The following KCNMA1 variants were observed in gnomAD, a reference collection of about 807,000 sequenced individuals.
KCNMA1 encodes the protein Calcium-activated potassium channel subunit alpha-1.
KCNMA1 carries 29 observed loss-of-function variants against 140.0 expected under a neutral mutation model. The ratio of observed to expected loss-of-function variants is 0.21; its 90% CI spans 0.15 to 0.28. The LOEUF (loss-of-function observed/expected upper bound fraction) is 0.28, where lower values mean the gene tolerates loss of function less well. Ranked by LOEUF, KCNMA1 falls within the 10% of genes least tolerant of loss-of-function variation. The pLI is 1.00. For synonymous variants in KCNMA1, 612 were observed against 611.9 expected (o/e 1.00, Z 0.00); for missense variants, 880 against 1,602.2 (o/e 0.55, Z 7.70).
chr10:77,404,192 G>A (rs1433287406), intron 1 of KCNMA1, among the ~76,000 whole-genome samples, 169 bp from the exon 2 acceptor site: 1 of 152,132 alleles, frequency 6.6e-6, no homozygotes, highest in Non-Finnish European at 1.5e-5. Context: ...TTTTTTTAAA[G>A]CCTTTATTTA....
At chr10:77,001,332 A>G in intron 19 of KCNMA1, 75 bp downstream of exon 19, 1 of 1,376,728 alleles carries the variant, frequency 7.3e-7, no homozygotes. Context: ...TCAGAACCAC[A>G]GGGCACAGCA....
chr10:77,192,064 T>C (rs766588713), intron 3 of KCNMA1, among the ~76,000 whole-genome samples: 5 of 152,132 alleles, frequency 3.3e-5, no homozygotes, highest in African/African-American at 4.8e-5. Flanking sequence ...TTCTTGAGCT[T>C]TGAGTAATAT....
intron 2 of KCNMA1, among the ~76,000 whole-genome samples, chr10:77,336,100 C>A (rs1050650459): frequency 7.2e-5 from 11 of 152,072 alleles, no homozygotes; most frequent in African/African-American, 2.2e-4. Flanking sequence ...AAGGGAGAAA[C>A]CTCCTTCATA....
chr10:76,981,373 G>A (rs1373178730), intron 19 of KCNMA1, among the ~76,000 whole-genome samples: 3 of 152,238 alleles, frequency 2.0e-5, no homozygotes, highest in Non-Finnish European at 2.9e-5. Context: ...ACGTTTAAAC[G>A]GACCTCAATT....
intron 1 of KCNMA1, among the ~76,000 whole-genome samples, chr10:77,495,757 C>T (rs932975721): frequency 2.0e-5 from 3 of 152,130 alleles, no homozygotes; most frequent in Non-Finnish European, 4.4e-5. Context: ...TGGTCCCAGC[C>T]CAAGGGGTGG....
chr10:77,402,281 A>G (rs2096293677), intron 2 of KCNMA1, among the ~76,000 whole-genome samples: 1 of 152,176 alleles, frequency 6.6e-6, no homozygotes. Context: ...GTGCTGTTAC[A>G]CAGCTCAGCC....
chr10:77,459,246 T>C (rs146224625), intron 1 of KCNMA1, among the ~76,000 whole-genome samples: 19 of 152,354 alleles, frequency 1.2e-4, no homozygotes, highest in Admixed American at 5.9e-4. Flanking sequence ...TCTGCTCTTG[T>C]TGAAGCACCT....
intron 3 of KCNMA1, among the ~76,000 whole-genome samples, chr10:77,194,511 T>C (rs189294061): frequency 1.4e-3 from 215 of 152,304 alleles, no homozygotes; most frequent in African/African-American, 5.0e-3. Context: ...CAATGGCACC[T>C]TGCTATGGGT....
At chr10:77,168,572 A>C (rs778914070) in intron 5 of KCNMA1, among the ~76,000 whole-genome samples, 4 of 152,222 alleles carry the variant, frequency 2.6e-5, no homozygotes, top group Non-Finnish European at 4.4e-5. Flanking sequence ...GATACAGTAA[A>C]AATACATATT....
At chr10:77,298,214 C>T (rs1208608777) in intron 2 of KCNMA1, among the ~76,000 whole-genome samples, 1 of 152,124 alleles carries the variant, frequency 6.6e-6, no homozygotes, top group Non-Finnish European at 1.5e-5. Flanking sequence ...GCTACCTGAA[C>T]CTTCAGAAAT....
intron 20 of KCNMA1, among the ~76,000 whole-genome samples, chr10:76,960,556 A>C (rs1462000891): frequency 6.8e-6 from 1 of 146,988 alleles, no homozygotes; most frequent in Non-Finnish European, 1.5e-5. Flanking sequence ...AAGAAGAAGA[A>C]CATAGGCATA....
At chr10:77,004,716 T>G (rs986448119) in intron 18 of KCNMA1, among the ~76,000 whole-genome samples, 2 of 152,186 alleles carry the variant, frequency 1.3e-5, no homozygotes, top group African/African-American at 4.8e-5. Flanking sequence ...CCTCCTAATT[T>G]GGAAATTACC....
intron 13 of KCNMA1, among the ~76,000 whole-genome samples, chr10:77,075,196 C>G (rs971661037): frequency 6.6e-6 from 1 of 152,160 alleles, no homozygotes; most frequent in African/African-American, 2.4e-5. Flanking sequence ...GGACCTTCCC[C>G]ACACTGCAGA....
intron 23 of KCNMA1, chr10:76,938,985 A>G (rs1056315527): frequency 3.3e-5 from 5 of 152,258 alleles, no homozygotes; most frequent in Non-Finnish European, 5.9e-5. Context: ...TATGGTAGCC[A>G]CTGGCTATGG....
intron 1 of KCNMA1, among the ~76,000 whole-genome samples, chr10:77,503,870 T>C (rs539513371): frequency 1.3e-5 from 2 of 152,326 alleles, no homozygotes; most frequent in Non-Finnish European, 2.9e-5. Flanking sequence ...AGGTATCAAG[T>C]GCCAAACACT....
chr10:77,217,922 T>G (rs999085764), intron 3 of KCNMA1, among the ~76,000 whole-genome samples: 1 of 152,298 alleles, frequency 6.6e-6, no homozygotes, highest in East Asian at 1.9e-4. Flanking sequence ...GAGACCAAAA[T>G]GCTTTACAAA....
At chr10:76,926,044 G>A (rs1445470823) in intron 23 of KCNMA1, among the ~76,000 whole-genome samples, 1 of 152,130 alleles carries the variant, frequency 6.6e-6, no homozygotes, top group African/African-American at 2.4e-5. Flanking sequence ...GTGTTGAAGT[G>A]TTTCCTGTAC....
chr10:77,115,263 G>C (rs1269385384), intron 6 of KCNMA1, among the ~76,000 whole-genome samples: 2 of 152,140 alleles, frequency 1.3e-5, no homozygotes, highest in African/African-American at 4.8e-5. Flanking sequence ...CGAAAACTTG[G>C]AAAAACAGCC....
intron 5 of KCNMA1, among the ~76,000 whole-genome samples, chr10:77,175,982 C>G (rs2098748694): frequency 6.6e-6 from 1 of 152,202 alleles, no homozygotes; most frequent in South Asian, 2.1e-4. Context: ...AGCTTTCATT[C>G]TTGATTATTC....
Sources: allele counts gnomAD v4.1 joint callset (sites outside exome capture counted in the v4.1 genomes callset), GRCh38; gene constraint gnomAD v4.1.1; transcripts MANE v1.5; gene names NCBI Gene and HGNC (gene_info 2026-07-23, HGNC 2026-07-21).